The following ARHGAP44 variants were observed in gnomAD, a reference collection of about 807,000 sequenced individuals.
ARHGAP44 encodes rho GTPase-activating protein 44.
ARHGAP44 carries 43 observed loss-of-function variants against 106.8 expected under a neutral mutation model. The observed-to-expected ratio is 0.40, with a 90% CI of 0.32 to 0.52. ARHGAP44 has a LOEUF of 0.52. ARHGAP44 is among the 20% of genes least tolerant of loss of function. ARHGAP44 has a pLI of 0.48. For synonymous variants in ARHGAP44, 439 were observed against 410.3 expected (o/e 1.07, Z -0.85); for missense variants, 866 against 1,050.5 (o/e 0.82, Z 2.43).
rs2040114687 is a variant in ARHGAP44 at position 12,990,835 on chromosome 17, A to AT, written c.*665dup. 6.6e-6 allele frequency: 1 copy of AT among 152,232 alleles called. No homozygotes were observed. The highest frequency in any genetic ancestry group is 2.4e-5 in the African/African-American group (1 of 41,450). The allele number at this position is 152,232 out of a possible 1,614,324, so 9.4% of individuals were successfully genotyped here. On this transcript the variant is annotated 3_prime_UTR_variant, in exon 21 of 21. Transcript: ENST00000379672. ...TTCCACTGTGTGACTGAAAGCTCCT[A>AT]TATCATTTTATATTTCTGAATCTAT...
intron 1 of ARHGAP44, among the ~76,000 whole-genome samples, chr17:12,879,702 T>TACAC (rs151155255): frequency 3.4e-4 from 50 of 146,420 alleles, no homozygotes; most frequent in African/African-American, 1.2e-3. Flanking sequence ...TATATACACA[T>TACAC]ACACACACAC....
chr17:12,881,394 A>C (rs1170311664), intron 1 of ARHGAP44, among the ~76,000 whole-genome samples: 3 of 152,066 alleles, frequency 2.0e-5, no homozygotes, highest in Non-Finnish European at 4.4e-5. Context: ...TTGGATAAAC[A>C]GTTGACCCAG....
chr17:12,901,219 C>T (rs925647942), intron 3 of ARHGAP44, among the ~76,000 whole-genome samples: 18 of 152,028 alleles, frequency 1.2e-4, no homozygotes, highest in African/African-American at 4.1e-4. Context: ...CCACCACACC[C>T]GGCCAAGTTT....
At chr17:12,846,733 G>A (rs765406103) in intron 1 of ARHGAP44, among the ~76,000 whole-genome samples, 4 of 152,262 alleles carry the variant, frequency 2.6e-5, no homozygotes, top group Admixed American at 6.5e-5. Flanking sequence ...GTAAATATAT[G>A]AGCAAAAAAC....
chr17:12,908,876 C>T (rs1423926320), intron 3 of ARHGAP44, 21 bp from the exon 4 acceptor site: 1 of 1,593,606 alleles, frequency 6.3e-7, no homozygotes, highest in African/African-American at 1.4e-5. Flanking sequence ...GCTTTCATTA[C>T]AGCATTTGCT....
At chr17:12,818,029 A>T (rs1213557682) in intron 1 of ARHGAP44, among the ~76,000 whole-genome samples, 1 of 152,008 alleles carries the variant, frequency 6.6e-6, no homozygotes, top group Non-Finnish European at 1.5e-5. Flanking sequence ...CTGATAGTAA[A>T]ATCAAAGATA....
intron 1 of ARHGAP44, among the ~76,000 whole-genome samples, chr17:12,873,577 AG>A (rs1367490590): frequency 6.6e-6 from 1 of 152,226 alleles, no homozygotes; most frequent in East Asian, 1.9e-4. Flanking sequence ...ATTGCATTGA[AG>A]TATAGTATAA....
intron 1 of ARHGAP44, among the ~76,000 whole-genome samples, chr17:12,836,080 A>G (rs2035228269): frequency 6.6e-6 from 1 of 152,140 alleles, no homozygotes. Context: ...GTCTATTGTG[A>G]ATAATGCTGC....
intron 1 of ARHGAP44, among the ~76,000 whole-genome samples, chr17:12,840,113 G>T (rs532150440): frequency 6.6e-6 from 1 of 152,118 alleles, no homozygotes; most frequent in African/African-American, 2.4e-5. Flanking sequence ...ATTCTTTATG[G>T]TTTAGATTTT....
At chr17:12,947,646 A>G (rs1275766526) in intron 10 of ARHGAP44, among the ~76,000 whole-genome samples, 2 of 152,202 alleles carry the variant, frequency 1.3e-5, no homozygotes, top group African/African-American at 4.8e-5. Flanking sequence ...TGCTTTGCTC[A>G]GTTACACAAT....
chr17:12,823,005 C>T (rs1375826100), intron 1 of ARHGAP44, among the ~76,000 whole-genome samples: 4 of 152,116 alleles, frequency 2.6e-5, no homozygotes, highest in Non-Finnish European at 5.9e-5. Context: ...AGAAATCGGC[C>T]TGGGTAAAAT....
intron 18 of ARHGAP44, among the ~76,000 whole-genome samples, chr17:12,976,829 T>C (rs7222413): frequency 0.88 from 133,558 of 151,912 alleles, 58,785 homozygotes; most frequent in East Asian, 1. Flanking sequence ...AGTGAGTTCA[T>C]TGGAGAAGCA....
chr17:12,802,621 T>G (rs1347754050), intron 1 of ARHGAP44, among the ~76,000 whole-genome samples: 1 of 152,056 alleles, frequency 6.6e-6, no homozygotes, highest in African/African-American at 2.4e-5. Context: ...TGATGCTGTT[T>G]AACATACCCA....
rs3785733 is a variant in ARHGAP44 at position 12,804,475 on chromosome 17, C to T, written c.53+14584C>T. Among the ~76,000 whole-genome samples the T allele has an allele frequency of 1.8e-4, 28 of 152,130 alleles. No individual in the cohort carries two copies. In the East Asian group the frequency reaches 5.4e-3, roughly 30 times the overall value. ...CGAAGGGATGGGTACCTGGGCAAAT[C>T]AGAGTTTTCATGGGAAGGAAGGAGG... On this transcript the variant is annotated intron_variant, in intron 1 of 20. Coordinates refer to ENST00000379672, the MANE Select transcript of ARHGAP44 (RefSeq NM_014859.6).
At chr17:12,920,489 G>C (rs2038050744) in intron 6 of ARHGAP44, among the ~76,000 whole-genome samples, 1 of 151,848 alleles carries the variant, frequency 6.6e-6, no homozygotes, top group South Asian at 2.1e-4. Context: ...GGGTCATTTT[G>C]GTCTTAGACT....
At chr17:12,866,869 A>G (rs949837103) in intron 1 of ARHGAP44, among the ~76,000 whole-genome samples, 3 of 152,104 alleles carry the variant, frequency 2.0e-5, no homozygotes, top group Non-Finnish European at 4.4e-5. Flanking sequence ...ATGTCCGTAA[A>G]ACTTCCCCAA....
At chr17:12,963,584 G>C (rs2039316302) in intron 16 of ARHGAP44, among the ~76,000 whole-genome samples, 1 of 137,844 alleles carries the variant, frequency 7.3e-6, no homozygotes, top group African/African-American at 2.7e-5. Flanking sequence ...TGTGCAGACA[G>C]GCCGGCCTTG....
intron 1 of ARHGAP44, among the ~76,000 whole-genome samples, chr17:12,832,125 G>T (rs1027206783): frequency 2.0e-5 from 3 of 152,204 alleles, no homozygotes; most frequent in African/African-American, 7.2e-5. Flanking sequence ...TTCCTGCAGA[G>T]CCAGCTGAAT....
chr17:12,854,958 C>CAAAAAAAAA (rs1182512832), intron 1 of ARHGAP44, among the ~76,000 whole-genome samples: 1 of 50,932 alleles, frequency 2.0e-5, no homozygotes, highest in Non-Finnish European at 4.7e-5. Flanking sequence ...AACTCTGTCT[C>CAAAAAAAAA]AAAAAAAAAA....
Sources: gnomAD v4.1 joint callset for allele counts (sites outside exome capture counted in the v4.1 genomes callset) on GRCh38, gnomAD v4.1.1 for gene constraint, MANE v1.5 for transcripts, NCBI Gene and HGNC (gene_info 2026-07-23, HGNC 2026-07-21) for gene names.